CLUH: variants seen among roughly 807,000 people sequenced by gnomAD.
The protein encoded by CLUH is CLUH binding protein of NUMT mRNA, also known as clustered mitochondria protein homolog.
A neutral mutation model predicts 139.3 loss-of-function variants in CLUH; 77 were observed. The observed-to-expected ratio is 0.55, with a 90% CI of 0.46 to 0.67. The LOEUF (loss-of-function observed/expected upper bound fraction) is 0.67, where lower values mean the gene tolerates loss of function less well. Among genes scored for constraint, CLUH ranks in the 30% least tolerant of loss-of-function variants. The probability of loss-of-function intolerance (pLI) is 0.00; values close to 1 mark genes in which losing one functional copy is unlikely to be tolerated. For synonymous variants in CLUH, 999 were observed against 801.6 expected, an observed-to-expected ratio of 1.25 and a Z score of -4.16; for missense variants, 1,876 against 1,875.8, an observed-to-expected ratio of 1.00 and a Z score of 0.00.
In CLUH at chr17:2,701,600, C is replaced by T; in HGVS notation, c.744+13G>A. 6.2e-7 allele frequency: 1 copy of T among 1,610,500 alleles called. No individual in the cohort carries two copies. The highest frequency in any genetic ancestry group is 8.5e-7 in the Non-Finnish European group (1 of 1,178,372). On this transcript the variant is annotated intron_variant, in intron 5 of 25. Transcript: ENST00000651024. ...CGCCAGGGACCCTCTTCCTCCCTCC[C>T]CCAGGATCCTACCTTCCAGTCACGG...
chr17:2,696,953 G>A lies in CLUH; in HGVS notation c.1962-11C>T, dbSNP rs2069971506. Reference sequence around the variant, plus strand: ...ATAAAGAGGAGGTACCTGGAGCAGAGGAAACAGGGCAGAGCAGGAGCTGGA... The same window carrying A: ...ATAAAGAGGAGGTACCTGGAGCAGAAGAAACAGGGCAGAGCAGGAGCTGGA... On this transcript the variant is annotated splice_polypyrimidine_tract_variant and intron_variant, in intron 10 of 25. Transcript: ENST00000651024. 1 of 1,551,208 alleles carries A rather than the reference G, an allele frequency of 6.4e-7. No individual in the cohort carries two copies. The highest frequency in any genetic ancestry group is 8.7e-7 in the Non-Finnish European group (1 of 1,148,552).
chr17:2,694,416 CTGCAGCAGGGA>C, intron 17 of CLUH, 53 bp downstream of exon 17: 1 of 1,526,426 alleles, frequency 6.6e-7, no homozygotes, highest in Non-Finnish European at 8.9e-7. Flanking sequence ...GAGTGGGAGC[CTGCAGCAGGGA>C]CGCAGCGGGG....
Position 2,694,292 on chromosome 17 carries a change from C to A in CLUH, c.2938-16G>T. ...TCAGCAGGACCTGGGGGGCAGCCCC[C>A]CCACCACAGGAAGCCTCAGGCCCAG... On this transcript the variant is annotated splice_polypyrimidine_tract_variant and intron_variant, in intron 17 of 25. Coordinates refer to ENST00000651024, the MANE Select transcript of CLUH (RefSeq NM_001366661.1). 1.3e-6 allele frequency: 2 copies of A among 1,570,838 alleles called. No homozygotes were observed. Among genetic ancestry groups the A allele is most frequent in the South Asian group, 1.2e-5 (1 of 83,534 alleles).
chr17:2,702,509 A>C (rs2070221675), intron 3 of CLUH, among the ~76,000 whole-genome samples: 1 of 152,120 alleles, frequency 6.6e-6, no homozygotes, highest in Non-Finnish European at 1.5e-5. Flanking sequence ...GTTTCATGGG[A>C]TTTTAATGGC....
Position 2,694,516 on chromosome 17 carries a change from C to T in CLUH, c.2901G>A (p.Thr967=), listed in dbSNP as rs1292530929. Residue 967 remains threonine, a synonymous_variant, in exon 17 of 26, where the codon ACG becomes ACA. Transcript: ENST00000651024. ...AVETYGLQKI[T]LLREISLKTG... Reference sequence around the variant, plus strand: ...TTTTCAGCGAGATCTCCCGCAGGAGCGTTATCTTCTGCAGGCCGTAGGTCT... The same window carrying T: ...TTTTCAGCGAGATCTCCCGCAGGAGTGTTATCTTCTGCAGGCCGTAGGTCT... The T allele has an allele frequency of 1.1e-5, 18 of 1,584,362 alleles. No individual in the cohort carries two copies. The highest frequency in any genetic ancestry group is 2.3e-5 in the South Asian group (2 of 86,224).
intron 9 of CLUH, 35 bp from the exon 10 acceptor site, chr17:2,698,625 G>A (rs201536142): frequency 1.3e-5 from 20 of 1,513,578 alleles, no homozygotes; most frequent in Middle Eastern, 2.0e-4. Context: ...GTTAGAGGCC[G>A]CGCCCACAAG....
chr17:2,696,186 G>A lies in CLUH; in HGVS notation c.2364C>T (p.Phe788=), dbSNP rs773205531. 80 of 1,568,510 alleles carry A rather than the reference G, an allele frequency of 5.1e-5. No individual in the cohort carries two copies. In the South Asian group the frequency reaches 5.3e-4, roughly 10 times the overall value. The part of the protein sequence containing the change: ...QKQLLKDAAA[F]LLSCQIPGLV... ...AGCCAGGGATCTGGCAGGAGAGCAG[G>A]AAGGCAGCCGCGTCCTTCAGCAGCT... The change falls in exon 13 of 26, where the codon TTC becomes TTT. Residue 788 remains phenylalanine, a synonymous_variant. Coordinates refer to ENST00000651024, the MANE Select transcript of CLUH (RefSeq NM_001366661.1).
Position 2,704,588 on chromosome 17 carries a change from G to C in CLUH, c.101-24C>G. 6.5e-7 allele frequency: 1 copy of C among 1,529,086 alleles called. No homozygotes were observed. The highest frequency in any genetic ancestry group is 8.8e-7 in the Non-Finnish European group (1 of 1,135,802). 94.7% of individuals were successfully genotyped at this position (1,529,086 alleles called of 1,614,324 possible). ...CTCTGCGGGTGACAAGAACGGGTCA[G>C]AATCAGGCAGCCTCGCTGGTCGGCG... is the stretch of plus-strand genomic sequence containing the variant. On this transcript the variant is annotated intron_variant, in intron 1 of 25. Coordinates refer to ENST00000651024, the MANE Select transcript of CLUH (RefSeq NM_001366661.1). This position sits in a 1 kb window ranked among gnomAD's most constrained non-coding sequence, Gnocchi z 5.7.
rs1038563296 is a variant in CLUH, at chr17:2,707,977, T to G, written c.101-3413A>C. The G allele has an allele frequency of 1.0e-6, 1 of 985,430 alleles. No homozygotes were observed. 61.0% of individuals were successfully genotyped at this position (985,430 alleles called of 1,614,324 possible). A position where few individuals can be genotyped will look rare whatever the true frequency, so the allele number is the denominator to read the frequency against. The stretch of plus-strand genomic sequence containing the variant: ...TCCATCAAGAAGCTGGCAGGCTCCA[T>G]CTTCCCTTCCCAGCAGCCCCGGCTC... On this transcript the variant is annotated intron_variant, in intron 1 of 25. Coordinates refer to ENST00000651024, the MANE Select transcript of CLUH (RefSeq NM_001366661.1). This position sits in a 1 kb window ranked among gnomAD's most constrained non-coding sequence, Gnocchi z 7.4.
chr17:2,693,668 G>C (rs556303818), intron 19 of CLUH, among the ~76,000 whole-genome samples: 2 of 151,834 alleles, frequency 1.3e-5, no homozygotes, highest in Non-Finnish European at 2.9e-5. Context: ...GACGCCCTGT[G>C]GGGGGGTCCC....
rs1475102198 is a variant in CLUH at position 2,701,742 on chromosome 17, G to A, written c.620-5C>T. 14 of 1,559,564 alleles carry A rather than the reference G, an allele frequency of 9.0e-6. No homozygotes were observed. Among genetic ancestry groups the A allele is most frequent in the Non-Finnish European group, 1.2e-5 (14 of 1,152,954 alleles). On this transcript the variant is annotated splice_polypyrimidine_tract_variant and splice_region_variant and intron_variant, in intron 4 of 25. Transcript: ENST00000651024. ...CCTTCTTCCGCTTCCCGCTGTCTGA[G>A]GGACCCGAGGCTGGTGGTCAGCACA...
chr17:2,694,583 GC>G lies in CLUH; in HGVS notation c.2853-20del, dbSNP rs2069852191. On this transcript the variant is annotated intron_variant, in intron 16 of 25. Coordinates refer to ENST00000651024, the MANE Select transcript of CLUH (RefSeq NM_001366661.1). ...GGTCTCACTGAGGAGGGAGCAGGGG[GC>G]CTGAGCAGCCCAAGCACCGCCGGGC... 17 of 1,556,632 alleles carry G rather than the reference GC, an allele frequency of 1.1e-5. No homozygotes were observed. Among genetic ancestry groups the G allele is most frequent in the Non-Finnish European group, 1.4e-5 (16 of 1,149,058 alleles).
In CLUH at chr17:2,700,819, C is replaced by T; in HGVS notation, c.1032G>A (p.Gln344=). The T allele has an allele frequency of 6.6e-7, 1 of 1,520,868 alleles. No individual in the cohort carries two copies. Among genetic ancestry groups the T allele is most frequent in the Non-Finnish European group, 8.8e-7 (1 of 1,140,114 alleles). The allele number at this position is 1,520,868 out of a possible 1,614,324, so 94.2% of individuals were successfully genotyped here. ...NFAVLQKKRV[Q]RHPFERIATP... ...TGGCGATCCTCTCGAACGGGTGGCG[C>T]TGGACCCTGTGGCAGGCAGGGGAGG... The change falls in exon 8 of 26, where the codon CAG becomes CAA. Residue 344 remains glutamine, a synonymous_variant. Coordinates refer to ENST00000651024, the MANE Select transcript of CLUH (RefSeq NM_001366661.1).
chr17:2,692,342 T>C lies in CLUH; in HGVS notation c.3560+19A>G. 6.5e-7 allele frequency: 1 copy of C among 1,539,474 alleles called. No homozygotes were observed. The highest frequency in any genetic ancestry group is 8.7e-7 in the Non-Finnish European group (1 of 1,149,296). ...GCAGGCCTCCGCCGGCCTTGGCGTT[T>C]GGACGGGCGGCCCCTCACCTGAGGG... is the stretch of plus-strand genomic sequence containing the variant. On this transcript the variant is annotated intron_variant, in intron 22 of 25. Coordinates refer to ENST00000651024, the MANE Select transcript of CLUH (RefSeq NM_001366661.1).
rs1213527968 is a variant in CLUH at position 2,692,382 on chromosome 17, T to C, written c.3539A>G (p.Lys1180Arg). 3 of 1,590,318 alleles carry C rather than the reference T, an allele frequency of 1.9e-6. No homozygotes were observed. Among genetic ancestry groups the C allele is most frequent in the Non-Finnish European group, 2.6e-6 (3 of 1,175,724 alleles). Residue 1180 changes from lysine to arginine, a missense_variant, in exon 22 of 26, where the codon AAG (lysine) becomes AGG (arginine). Physicochemically the swap from Lys to Arg is conservative, Grantham distance 26 (BLOSUM62 2). Coordinates refer to ENST00000651024, the MANE Select transcript of CLUH (RefSeq NM_001366661.1). ...TCACCTGAGGGCCACCTTGAGGGCC[T>C]TGGGCCCGTGGTACTTGGTGCTGAC... ...LAVSTKYHGP[K>R]ALKVALSHHL...
rs75023474 is a variant in CLUH at position 2,701,733 on chromosome 17, G to A, written c.624C>T (p.Ser208=). 6.3e-4 allele frequency: 992 copies of A among 1,562,634 alleles called. 4 individuals are homozygous for A. In the African/African-American group the frequency reaches 0.011, roughly 18 times the overall value. ...TCTCCAAGCCCTTCTTCCGCTTCCC[G>A]CTGTCTGAGGGACCCGAGGCTGGTG... ...SVFTDGDLGD[S]GKRKKGLEMD... is the part of the protein sequence containing the mutation. The change falls in exon 5 of 26, where the codon AGC becomes AGT. Residue 208 remains serine (S), a synonymous_variant. Coordinates refer to ENST00000651024, the MANE Select transcript of CLUH (RefSeq NM_001366661.1).
chr17:2,692,807 G>C lies in CLUH; in HGVS notation c.3285C>G (p.Thr1095=), dbSNP rs769205501. 18 of 1,604,098 alleles carry C rather than the reference G, an allele frequency of 1.1e-5. No homozygotes were observed. In the Admixed American group the frequency reaches 2.9e-4, roughly 25 times the overall value. The change falls in exon 20 of 26, where the codon ACC becomes ACG. Residue 1095 remains threonine, a synonymous_variant. Transcript: ENST00000651024. The stretch of plus-strand genomic sequence containing the variant: ...ATTCCTGGATGGTGTTGGGGTGCTC[G>C]GTGCCCATCACCCGCTCGCTCATCA... The part of the protein sequence containing the change: ...AVLMSERVMG[T]EHPNTIQEYM...
At chr17:2,692,166 G>A in intron 22 of CLUH, 69 bp from the exon 23 acceptor site, 1 of 1,489,762 alleles carries the variant, frequency 6.7e-7, no homozygotes, top group African/African-American at 1.4e-5. Context: ...CTGACTCGGG[G>A]GCCCGGGGTC....
At chr17:2,700,138 A>G (rs1159974281) in intron 9 of CLUH, among the ~76,000 whole-genome samples, 1 of 152,226 alleles carries the variant, frequency 6.6e-6, no homozygotes, top group Non-Finnish European at 1.5e-5. Context: ...CTCAGTCCCT[A>G]TGGGAAGTAG....
Sources: allele counts gnomAD v4.1 joint callset (sites outside exome capture counted in the v4.1 genomes callset), GRCh38; gene constraint gnomAD v4.1.1; non-coding constraint Gnocchi (gnomAD v3.1); transcripts MANE v1.5; gene names NCBI Gene and HGNC (gene_info 2026-07-23, HGNC 2026-07-21).